The following MICAL3 variants were observed in gnomAD, a reference collection of about 807,000 sequenced individuals.
MICAL3 encodes microtubule associated monooxygenase, calponin and LIM domain containing 3.
A neutral mutation model predicts 207.4 loss-of-function variants in MICAL3; 62 were observed. The ratio of observed to expected loss-of-function variants is 0.30; its 90% CI spans 0.24 to 0.37. The LOEUF is 0.37. MICAL3 is among the 10% of genes least tolerant of loss of function. The pLI, the probability that MICAL3 is intolerant of heterozygous loss-of-function variation, is 1.00. For missense variants in MICAL3, 2,368 were observed against 2,635.6 expected (o/e 0.90, Z 2.22); for synonymous variants, 1,077 against 1,069.3 (o/e 1.01, Z -0.14).
At chr22:17,848,982 G>T (rs139688417) in intron 19 of MICAL3, among the ~76,000 whole-genome samples, 1 of 152,244 alleles carries the variant, frequency 6.6e-6, no homozygotes, top group Non-Finnish European at 1.5e-5. Flanking sequence ...CCACTGCTAT[G>T]TCAGGGTGGT....
rs769151353 is a variant in MICAL3 at position 17,819,045 on chromosome 22, C to T, written c.3616G>A (p.Glu1206Lys). Residue 1206 changes from glutamate (E) to lysine (K), a missense_variant, in exon 26 of 32, where the codon GAG becomes AAG. Around this residue, in one of 4 missense-constraint regions of MICAL3, gnomAD observed 1,770 missense variants for 1,863.2 expected, o/e 0.95. Coordinates refer to ENST00000441493, the MANE Select transcript of MICAL3 (RefSeq NM_015241.3). ...GAGGGGGCATCAGCTTTGGGCTTCT[C>T]TTTGGGGAGCAAAGGCTCAGGGAAA... is the stretch of plus-strand genomic sequence containing the variant. ...RLFPEPLLPKEKPKADAPSDL... is the reference protein window; with the variant it reads ...RLFPEPLLPKKKPKADAPSDL... The T allele has an allele frequency of 3.1e-6, 5 of 1,589,688 alleles. No homozygotes were observed. In the Admixed American group the frequency reaches 7.1e-5, roughly 23 times the overall value.
chr22:17,847,401 G>T (rs1284860846), intron 19 of MICAL3, among the ~76,000 whole-genome samples: 1 of 152,206 alleles, frequency 6.6e-6, no homozygotes, highest in Admixed American at 6.5e-5. Context: ...TCCCATGTCT[G>T]TAAGTAGGAT....
At position 17,801,285 on chromosome 22, in the gene MICAL3, C is replaced by T. The variant is rs547741095; in HGVS notation, c.5650+7559G>A. 1.8e-4 allele frequency among the ~76,000 whole-genome samples: 19 copies of T among 102,916 alleles called. 6 individuals are homozygous for T. The South Asian group carries it at 2.5e-3, about 14-fold the overall frequency. The allele number at this position is 102,916 out of a possible 152,430, so 67.5% of individuals were successfully genotyped here. A position where few individuals can be genotyped will look rare whatever the true frequency, so the allele number is the denominator to read the frequency against. ...CTCCTGCCTCAGCCTCCCAAGTAGCCGGGACTACAGGCGCCCGCCACTACG... is the reference window on the plus strand; with the variant it reads ...CTCCTGCCTCAGCCTCCCAAGTAGCTGGGACTACAGGCGCCCGCCACTACG... On this transcript the variant is annotated intron_variant, in intron 29 of 31. Coordinates refer to ENST00000441493, the MANE Select transcript of MICAL3 (RefSeq NM_015241.3).
At chr22:17,864,752 A>T in intron 19 of MICAL3, 147 bp downstream of exon 19, 1 of 1,613,916 alleles carries the variant, frequency 6.2e-7, no homozygotes, top group Non-Finnish European at 8.5e-7. Context: ...AGCAGCTGGC[A>T]CATGAAAAAG....
intron 20 of MICAL3, among the ~76,000 whole-genome samples, chr22:17,832,463 G>A (rs368768622): frequency 2.6e-5 from 4 of 152,160 alleles, no homozygotes; most frequent in African/African-American, 4.8e-5. Context: ...AGCTCCTCAC[G>A]GAGCCCATGG....
At chr22:17,931,426 C>T (rs1933259518) in intron 1 of MICAL3, among the ~76,000 whole-genome samples, 1 of 152,218 alleles carries the variant, frequency 6.6e-6, no homozygotes, top group Non-Finnish European at 1.5e-5. Flanking sequence ...GAACCACACA[C>T]CACTGCTTGG....
intron 1 of MICAL3, among the ~76,000 whole-genome samples, chr22:17,933,291 C>A (rs559492604): frequency 6.6e-6 from 1 of 152,308 alleles, no homozygotes; most frequent in Non-Finnish European, 1.5e-5. Context: ...ACAGTGCAAT[C>A]AAATTATAAC....
At chr22:17,813,472 A>G (rs1550663) in intron 27 of MICAL3, 81,961 of 152,066 alleles carry the variant, frequency 0.54, 23,668 homozygotes, top group African/African-American at 0.74. Flanking sequence ...TGCCTCCTTC[A>G]ACTTTGAGCA....
chr22:17,822,427 C>T (rs142308546), intron 23 of MICAL3, among the ~76,000 whole-genome samples: 2 of 152,330 alleles, frequency 1.3e-5, no homozygotes, highest in East Asian at 1.9e-4. Flanking sequence ...TAAAATACAG[C>T]AACAGTCACA....
intron 19 of MICAL3, chr22:17,861,314 G>A (rs1419767474): frequency 1.1e-6 from 1 of 934,304 alleles, no homozygotes; most frequent in East Asian, 1.5e-4. Flanking sequence ...TCTGGGGACA[G>A]GGGTCAGGCA....
chr22:17,906,956 T>A, intron 1 of MICAL3, 70 bp from the exon 2 acceptor site: 2 of 809,142 alleles, frequency 2.5e-6, no homozygotes, highest in Non-Finnish European at 3.9e-6. Flanking sequence ...GACATATTCC[T>A]CTTCAAAGCA....
chr22:17,985,466 G>A (rs536939561), intron 1 of MICAL3, among the ~76,000 whole-genome samples: 7 of 152,198 alleles, frequency 4.6e-5, no homozygotes, highest in African/African-American at 7.2e-5. Context: ...TACAAGGTCC[G>A]GGAGGATGAG....
rs149643125 is a variant in MICAL3, at chr22:17,863,268, G to A, written c.2605+1631C>T. 1.1e-3 allele frequency: 1,120 copies of A among 985,376 alleles called. 13 individuals are homozygous for A. The African/African-American group carries it at 0.018, about 16-fold the overall frequency. The allele number at this position is 985,376 out of a possible 1,614,324, so 61.0% of individuals were successfully genotyped here. A position where few individuals can be genotyped will look rare whatever the true frequency, so the allele number is the denominator to read the frequency against. ...AATGTTCTGTACTCCAAACCGAAAT[G>A]GAAAGTTTAGTTTCTTTTGAGTTGT... On this transcript the variant is annotated intron_variant, in intron 19 of 31. Transcript: ENST00000441493.
rs867920452 is a variant in MICAL3, at chr22:17,973,728, A to G, written c.-75+50553T>C. 8.0e-4 allele frequency among the ~76,000 whole-genome samples: 122 copies of G among 152,190 alleles called. 2 individuals carry two copies. Among genetic ancestry groups the G allele is most frequent in the African/African-American group, 2.7e-3 (114 of 41,512 alleles). On this transcript the variant is annotated intron_variant, in intron 1 of 31. Transcript: ENST00000441493. ...AAGATGAGTTGAGCCCGGGAGTTTG[A>G]CACCAGCCTGGGCAACACGGTGAGA...
intron 23 of MICAL3, among the ~76,000 whole-genome samples, chr22:17,822,577 G>A (rs1183322480): frequency 3.3e-5 from 5 of 152,154 alleles, no homozygotes; most frequent in East Asian, 1.9e-4. Flanking sequence ...GCGCCCCCTC[G>A]CAAGCTTGGG....
chr22:17,795,989 C>T (rs2061872400), intron 29 of MICAL3, among the ~76,000 whole-genome samples: 2 of 152,212 alleles, frequency 1.3e-5, no homozygotes, highest in African/African-American at 4.8e-5. Flanking sequence ...AACAAAGATG[C>T]TGTCAAGCTT....
rs1921242601 is a variant in MICAL3, at chr22:17,818,772, G to T, written c.3889C>A (p.Pro1297Thr). 1.3e-6 allele frequency: 2 copies of T among 1,591,986 alleles called. No homozygotes were observed. Among genetic ancestry groups the T allele is most frequent in the East Asian group, 4.5e-5 (2 of 44,472 alleles). Residue 1297 changes from proline (P) to threonine (T), a missense_variant, in exon 26 of 32, where the codon CCT becomes ACT. By Grantham distance (38) the Pro-to-Thr change is conservative. This residue lies in a region of MICAL3 where 1,770 missense variants were observed against 1,863.2 expected (regional missense o/e 0.95). Coordinates refer to ENST00000441493, the MANE Select transcript of MICAL3 (RefSeq NM_015241.3). ...TTGGTGTCACTTTGGCTTTGGACAG[G>T]GAGAGGGGCCAGTGGGGTGGATGTT... Reference protein sequence around the residue: ...AKTSTPLAPLPVQSQSDTKDR... With the variant: ...AKTSTPLAPLTVQSQSDTKDR...
chr22:17,957,708 CAAAAAAA>C (rs374917425), intron 1 of MICAL3, among the ~76,000 whole-genome samples: 2 of 106,322 alleles, frequency 1.9e-5, no homozygotes, highest in Non-Finnish European at 3.9e-5. Flanking sequence ...GAAACTATGT[CAAAAAAA>C]AAAAAAAAAA....
Position 17,888,978 on chromosome 22 carries a change from A to G in MICAL3, c.1891+56T>C. The G allele has an allele frequency of 3.9e-6, 5 of 1,285,910 alleles. No homozygotes were observed. In the South Asian group the frequency reaches 7.2e-5, roughly 18 times the overall value. The allele number at this position is 1,285,910 out of a possible 1,614,324, so 79.7% of individuals were successfully genotyped here. On this transcript the variant is annotated intron_variant, in intron 13 of 31. Coordinates refer to ENST00000441493, the MANE Select transcript of MICAL3 (RefSeq NM_015241.3). Reference sequence around the variant, plus strand: ...GGGACAGTCGGAAGGAAGGAAGAACAGCCGGGCCACAGCACAGCAGCAGGG... The same window carrying G: ...GGGACAGTCGGAAGGAAGGAAGAACGGCCGGGCCACAGCACAGCAGCAGGG...
Sources: allele counts gnomAD v4.1 joint callset (sites outside exome capture counted in the v4.1 genomes callset), GRCh38; gene constraint gnomAD v4.1.1; regional missense constraint gnomAD v4.1.1; transcripts MANE v1.5; gene names NCBI Gene and HGNC (gene_info 2026-07-23, HGNC 2026-07-21).